INPP4A: variants seen among roughly 807,000 people sequenced by gnomAD.
INPP4A encodes inositol polyphosphate-4-phosphatase, type I, 107kD.
Under a neutral mutation model 119.8 loss-of-function variants are expected in INPP4A, and 33 were observed. That is an observed-to-expected ratio of 0.28 (90% CI 0.21 to 0.37). The LOEUF (loss-of-function observed/expected upper bound fraction) is 0.37, where lower values mean the gene tolerates loss of function less well. Among genes scored for constraint, INPP4A ranks in the 10% least tolerant of loss-of-function variants. The pLI, the probability that INPP4A is intolerant of heterozygous loss-of-function variation, is 1.00. For missense variants in INPP4A, 956 were observed against 1,289.9 expected, an observed-to-expected ratio of 0.74 and a Z score of 3.97; for synonymous variants, 496 against 500.7, an observed-to-expected ratio of 0.99 and a Z score of 0.12.
intron 23 of INPP4A, among the ~76,000 whole-genome samples, chr2:98,575,023 AG>A (rs773051820): frequency 2.0e-5 from 3 of 152,164 alleles, no homozygotes; most frequent in Non-Finnish European, 2.9e-5. Flanking sequence ...CCTGGGGATA[AG>A]GGGTTGTGGG....
In INPP4A at chr2:98,591,765, A is replaced by G. The variant is rs1480350100; in HGVS notation, c.*4157A>G. The G allele has an allele frequency of 2.0e-5, 3 of 152,282 alleles. No homozygotes were observed. The highest frequency in any genetic ancestry group is 4.8e-5 in the African/African-American group (2 of 41,452). The allele number at this position is 152,282 out of a possible 1,614,324, so 9.4% of individuals were successfully genotyped here. A position where few individuals can be genotyped will look rare whatever the true frequency, so the allele number is the denominator to read the frequency against. On this transcript the variant is annotated 3_prime_UTR_variant, in exon 25 of 25. Coordinates refer to ENST00000409851, the MANE Select transcript of INPP4A (RefSeq NM_001134225.2). ...ATTTGTGATTTTTCCAAGAACAGAAATGATTAGCCATGTGGGGAGGTTACT... is the reference window on the plus strand; with the variant it reads ...ATTTGTGATTTTTCCAAGAACAGAAGTGATTAGCCATGTGGGGAGGTTACT...
At chr2:98,493,735 A>C (rs1232260123) in intron 1 of INPP4A, among the ~76,000 whole-genome samples, 1 of 151,900 alleles carries the variant, frequency 6.6e-6, no homozygotes, top group Non-Finnish European at 1.5e-5. Context: ...GGGAGGCAGA[A>C]CTCTACATGG....
intron 1 of INPP4A, among the ~76,000 whole-genome samples, chr2:98,456,638 C>T (rs1696193355): frequency 6.6e-6 from 1 of 152,350 alleles, no homozygotes; most frequent in African/African-American, 2.4e-5. Flanking sequence ...CTGTACCCAG[C>T]TACTTTTACG....
At chr2:98,462,145 C>G (rs1335483277) in intron 1 of INPP4A, among the ~76,000 whole-genome samples, 1 of 152,204 alleles carries the variant, frequency 6.6e-6, no homozygotes, top group Non-Finnish European at 1.5e-5. Context: ...AGGCACATGT[C>G]TCTAAAATAT....
At chr2:98,558,393 C>T in intron 16 of INPP4A, among the ~76,000 whole-genome samples, 1 of 152,208 alleles carries the variant, frequency 6.6e-6, no homozygotes, top group East Asian at 1.9e-4. Context: ...AGTTCTATAT[C>T]ACTGTGGGTT....
chr2:98,488,812 T>G (rs1403138912), intron 1 of INPP4A, among the ~76,000 whole-genome samples: 1 of 152,138 alleles, frequency 6.6e-6, no homozygotes, highest in Non-Finnish European at 1.5e-5. Flanking sequence ...GGGTTGGTAC[T>G]GGTTCCTGCG....
At chr2:98,470,069 A>G (rs1415987990) in intron 1 of INPP4A, among the ~76,000 whole-genome samples, 2 of 152,230 alleles carry the variant, frequency 1.3e-5, no homozygotes, top group Admixed American at 6.5e-5. Flanking sequence ...CTGTCCGTCC[A>G]CATCTCACTT....
Position 98,588,271 on chromosome 2 carries a change from T to C in INPP4A, c.*663T>C, listed in dbSNP as rs201964598. The stretch of plus-strand genomic sequence containing the variant: ...TTGGGGCCACTCTTTTTTCTGTCCC[T>C]TATGAGTTACAGAACAGGGAGTCTG... On this transcript the variant is annotated 3_prime_UTR_variant, in exon 25 of 25. Transcript: ENST00000409851. The C allele has an allele frequency of 3.3e-4, 68 of 206,240 alleles. No individual in the cohort carries two copies. In the East Asian group the frequency reaches 5.0e-3, roughly 15 times the overall value. 12.8% of individuals were successfully genotyped at this position (206,240 alleles called of 1,614,324 possible).
In INPP4A at chr2:98,504,172, C is replaced by T. The variant is rs568009059; in HGVS notation, c.-165-14792C>T. Among the ~76,000 whole-genome samples, 72 of 152,314 alleles carry T rather than the reference C, an allele frequency of 4.7e-4. 1 individual carries two copies. Among genetic ancestry groups the T allele is most frequent in the Non-Finnish European group, 8.8e-4 (60 of 68,014 alleles). ...GGGTCCTCCCTCACCAAACACGGAA[C>T]GCTGAACAACCAGCAACACAGCCGA... On this transcript the variant is annotated intron_variant, in intron 1 of 24. Coordinates refer to ENST00000409851, the MANE Select transcript of INPP4A (RefSeq NM_001134225.2).
rs1468841322 is a variant in INPP4A, at chr2:98,535,845, A to G, written c.387A>G (p.Thr129=). 10 of 1,415,234 alleles carry G rather than the reference A, an allele frequency of 7.1e-6. No individual in the cohort carries two copies. The highest frequency in any genetic ancestry group is 3.6e-5 in the Admixed American group (2 of 55,194). 87.7% of individuals were successfully genotyped at this position (1,415,234 alleles called of 1,614,324 possible). A position where few individuals can be genotyped will look rare whatever the true frequency, so the allele number is the denominator to read the frequency against. The change falls in exon 6 of 25, where the codon ACA becomes ACG. Residue 129 remains threonine (T), a splice_region_variant and synonymous_variant. Coordinates refer to ENST00000409851, the MANE Select transcript of INPP4A (RefSeq NM_001134225.2). ...ATGTCAAAGATAGATCTCAGGGAAC[A>G]GTTAAGTAATGTGTTGTAGTTCGTG... The part of the protein sequence containing the change: ...VYDVKDRSQG[T]MYLLGSGTFI...
intron 1 of INPP4A, among the ~76,000 whole-genome samples, chr2:98,495,732 T>A (rs1681796660): frequency 6.6e-6 from 1 of 152,200 alleles, no homozygotes; most frequent in African/African-American, 2.4e-5. Context: ...TGGGTTAAGA[T>A]AAGGGGTTGT....
At chr2:98,451,634 C>T (rs1187789511) in intron 1 of INPP4A, among the ~76,000 whole-genome samples, 2 of 152,166 alleles carry the variant, frequency 1.3e-5, no homozygotes, top group Admixed American at 1.3e-4. Flanking sequence ...TCCCATAGCC[C>T]TCACGCAGGT....
At chr2:98,563,363 G>T in intron 17 of INPP4A, 102 bp from the exon 18 acceptor site, 1 of 1,048,558 alleles carries the variant, frequency 9.5e-7, no homozygotes. Flanking sequence ...TGGGGGAGTG[G>T]GAGGACTGCA....
intron 1 of INPP4A, among the ~76,000 whole-genome samples, chr2:98,491,102 T>A (rs950540457): frequency 6.6e-6 from 1 of 152,238 alleles, no homozygotes; most frequent in Non-Finnish European, 1.5e-5. Context: ...TATGTCGGCT[T>A]GCAGCAGAGA....
chr2:98,581,626 C>T, intron 24 of INPP4A: 3 of 1,572,338 alleles, frequency 1.9e-6, no homozygotes, highest in Non-Finnish European at 2.6e-6. Flanking sequence ...GGCCTGGTGC[C>T]CATCCGAGAC....
chr2:98,529,181 C>G (rs566496941), intron 4 of INPP4A, among the ~76,000 whole-genome samples: 9 of 151,640 alleles, frequency 5.9e-5, no homozygotes, highest in Non-Finnish European at 1.0e-4. Context: ...TAAAAAGGAA[C>G]GAAGTACAGA....
At chr2:98,446,098 C>T (rs974966148) in intron 1 of INPP4A, among the ~76,000 whole-genome samples, 4 of 152,166 alleles carry the variant, frequency 2.6e-5, no homozygotes, top group Non-Finnish European at 4.4e-5. Context: ...GGGTTGACTT[C>T]GGTGTGAATC....
At chr2:98,463,022 A>T (rs1018545220) in intron 1 of INPP4A, among the ~76,000 whole-genome samples, 1 of 152,028 alleles carries the variant, frequency 6.6e-6, no homozygotes, top group Non-Finnish European at 1.5e-5. Flanking sequence ...TTGTATTTTT[A>T]GTAGAAACGG....
At chr2:98,490,663 C>G (rs1356220575) in intron 1 of INPP4A, among the ~76,000 whole-genome samples, 1 of 152,158 alleles carries the variant, frequency 6.6e-6, no homozygotes, top group African/African-American at 2.4e-5. Context: ...CTCTCTTCTT[C>G]TGTTTGAAAC....
Sources: allele counts gnomAD v4.1 joint callset (sites outside exome capture counted in the v4.1 genomes callset), GRCh38; gene constraint gnomAD v4.1.1; transcripts MANE v1.5; gene names NCBI Gene and HGNC (gene_info 2026-07-23, HGNC 2026-07-21).